Variants in TAOK1 observed in about 807,000 individuals in gnomAD.
TAOK1 encodes TAO kinase 1, also known as serine/threonine-protein kinase TAO1.
A neutral mutation model predicts 138.3 loss-of-function variants in TAOK1; 21 were observed. The observed-to-expected ratio is 0.15, with a 90% CI of 0.11 to 0.22. The LOEUF (loss-of-function observed/expected upper bound fraction) is 0.22, where lower values mean the gene tolerates loss of function less well. Ranked by LOEUF, TAOK1 falls within the 10% of genes least tolerant of loss-of-function variation. The pLI is 1.00. For synonymous variants in TAOK1, 361 were observed against 398.4 expected (o/e 0.91, Z 1.12); for missense variants, 651 against 1,227.7 (o/e 0.53, Z 7.02).
intron 19 of TAOK1, among the ~76,000 whole-genome samples, chr17:29,538,110 CAAA>C (rs752543117): frequency 9.2e-5 from 6 of 65,362 alleles, no homozygotes; most frequent in Admixed American, 1.6e-4. Flanking sequence ...GACTCCATCT[CAAA>C]AAAAAAAAAA....
At chr17:29,447,110 C>T (rs2030103927) in intron 1 of TAOK1, among the ~76,000 whole-genome samples, 1 of 150,582 alleles carries the variant, frequency 6.6e-6, no homozygotes, top group Non-Finnish European at 1.5e-5. Context: ...TATTCGCAGG[C>T]ATGATCAGAG....
In TAOK1 at chr17:29,551,636, T is replaced by C. The variant is rs575788385; in HGVS notation, c.*8614T>C. 209 of 152,758 alleles carry C rather than the reference T, an allele frequency of 1.4e-3. 1 individual carries two copies. The highest frequency in any genetic ancestry group is 4.8e-3 in the African/African-American group (199 of 41,572). The allele number at this position is 152,758 out of a possible 1,614,324, so 9.5% of individuals were successfully genotyped here. The stretch of plus-strand genomic sequence containing the variant: ...AAAGGTGACTGTACAGATGTGCATT[T>C]TCCTTTTGGTATAAATGGTCCACAG... On this transcript the variant is annotated 3_prime_UTR_variant, in exon 20 of 20. Transcript: ENST00000261716.
chr17:29,484,750 G>C (rs2031134088), intron 8 of TAOK1, among the ~76,000 whole-genome samples: 1 of 152,024 alleles, frequency 6.6e-6, no homozygotes, highest in Non-Finnish European at 1.5e-5. Flanking sequence ...GACTATGGGT[G>C]CCTGCCACCA....
At chr17:29,437,407 A>G (rs990412593) in intron 1 of TAOK1, among the ~76,000 whole-genome samples, 6 of 152,178 alleles carry the variant, frequency 3.9e-5, no homozygotes, top group African/African-American at 1.4e-4. Flanking sequence ...CATGTTGGCC[A>G]GGCTGGTCTT....
chr17:29,423,530 G>T (rs1339487903), intron 1 of TAOK1, among the ~76,000 whole-genome samples: 1 of 151,424 alleles, frequency 6.6e-6, no homozygotes, highest in Non-Finnish European at 1.5e-5. Flanking sequence ...TCTAATATAA[G>T]GATTTAATGT....
chr17:29,515,042 G>A (rs2031791615), intron 15 of TAOK1: 1 of 149,664 alleles, frequency 6.7e-6, no homozygotes, highest in African/African-American at 2.5e-5. Context: ...GCTCCATTGA[G>A]TATATTGCCA....
intron 1 of TAOK1, among the ~76,000 whole-genome samples, chr17:29,402,137 G>GCC (rs1341729431): frequency 1.3e-5 from 2 of 152,094 alleles, no homozygotes; most frequent in African/African-American, 4.8e-5. Context: ...TTAGGAGATA[G>GCC]CAAGGACTTT....
At chr17:29,506,660 AGATT>A (rs71138827) in intron 13 of TAOK1, among the ~76,000 whole-genome samples, 50,548 of 151,904 alleles carry the variant, frequency 0.33, 9,987 homozygotes, top group Non-Finnish European at 0.45. Context: ...TGGATATGTT[AGATT>A]GATTTAATTT....
chr17:29,537,346 C>T (rs1384643510), intron 19 of TAOK1, among the ~76,000 whole-genome samples: 16 of 151,908 alleles, frequency 1.1e-4, no homozygotes, highest in Non-Finnish European at 2.4e-4. Flanking sequence ...TGTATATATA[C>T]TTGTTTGTTT....
At chr17:29,440,114 C>A (rs532181840) in intron 1 of TAOK1, among the ~76,000 whole-genome samples, 9 of 152,216 alleles carry the variant, frequency 5.9e-5, no homozygotes, top group African/African-American at 2.2e-4. Flanking sequence ...TCCTGCTTCA[C>A]CCTGTCTTGC....
rs769120119 is a variant in TAOK1, at chr17:29,482,269, A to G, written c.636A>G (p.Gly212=). The G allele has an allele frequency of 3.7e-6, 6 of 1,612,468 alleles. No homozygotes were observed. In the South Asian group the frequency reaches 5.5e-5, roughly 15 times the overall value. The change falls in exon 8 of 20, where the codon GGA becomes GGG. Residue 212 remains glycine, a synonymous_variant. Coordinates refer to ENST00000261716, the MANE Select transcript of TAOK1 (RefSeq NM_020791.4). ...YDGKVDVWSL[G]ITCIELAERK... The stretch of plus-strand genomic sequence containing the variant: ...GCAAAGTAGATGTGTGGTCTCTTGG[A>G]ATAACATGTATTGAACTAGGTAAGC...
intron 1 of TAOK1, among the ~76,000 whole-genome samples, chr17:29,394,172 T>TTG: frequency 7.7e-6 from 1 of 129,946 alleles, no homozygotes; most frequent in African/African-American, 2.9e-5. Context: ...TTTTTTTTTT[T>TTG]TTTTTTTTTT....
rs2032395398 is a variant in TAOK1, at chr17:29,545,884, C to T, written c.*2862C>T. 1 of 152,124 alleles carries T rather than the reference C, an allele frequency of 6.6e-6. No homozygotes were observed. Among genetic ancestry groups the T allele is most frequent in the South Asian group, 2.1e-4 (1 of 4,836 alleles). The allele number at this position is 152,124 out of a possible 1,614,324, so 9.4% of individuals were successfully genotyped here. ...TTAAAACTATGGAAAATTTGTCTAG[C>T]ATATCAGAAGTTGTAAATGCTATAT... On this transcript the variant is annotated 3_prime_UTR_variant, in exon 20 of 20. Transcript: ENST00000261716.
intron 1 of TAOK1, among the ~76,000 whole-genome samples, chr17:29,445,697 T>G (rs1304308934): frequency 6.6e-6 from 1 of 152,166 alleles, no homozygotes; most frequent in Non-Finnish European, 1.5e-5. Flanking sequence ...TATATATTGC[T>G]GAATTTAATT....
chr17:29,395,547 A>G (rs1904568709), intron 1 of TAOK1, among the ~76,000 whole-genome samples: 1 of 152,180 alleles, frequency 6.6e-6, no homozygotes, highest in Admixed American at 6.6e-5. Context: ...AAACGAAACA[A>G]ATAAAAAAGT....
At chr17:29,504,578 G>A (rs2031597026) in intron 13 of TAOK1, among the ~76,000 whole-genome samples, 1 of 152,064 alleles carries the variant, frequency 6.6e-6, no homozygotes, top group African/African-American at 2.4e-5. Flanking sequence ...GCTGAGGCAG[G>A]AGAATTGCTT....
intron 17 of TAOK1, among the ~76,000 whole-genome samples, chr17:29,527,627 G>T (rs1383971381): frequency 2.0e-5 from 3 of 152,198 alleles, no homozygotes; most frequent in African/African-American, 7.2e-5. Flanking sequence ...ATTGAGGGGA[G>T]TACTTTCTCT....
rs573689571 is a variant in TAOK1, at chr17:29,400,411, A to G, written c.-95+9387A>G. ...GTCTCAAAAAAAAAAAAAAAAAACA[A>G]CAAATGACATTTCTTTTCCAGTACT... On this transcript the variant is annotated intron_variant, in intron 1 of 19. Transcript: ENST00000261716. Among the ~76,000 whole-genome samples the G allele has an allele frequency of 1.4e-3, 213 of 151,530 alleles. 1 individual carries two copies. The highest frequency in any genetic ancestry group is 3.8e-4 in the Non-Finnish European group (26 of 67,882).
At chr17:29,536,099 G>A (rs890841626) in intron 19 of TAOK1, among the ~76,000 whole-genome samples, 3 of 151,236 alleles carry the variant, frequency 2.0e-5, no homozygotes, top group African/African-American at 7.3e-5. Context: ...AGGAGTTCAA[G>A]ACCAGCCTGG....
Sources: allele counts gnomAD v4.1 joint callset (sites outside exome capture counted in the v4.1 genomes callset), GRCh38; gene constraint gnomAD v4.1.1; transcripts MANE v1.5; gene names NCBI Gene and HGNC (gene_info 2026-07-23, HGNC 2026-07-21).